Variants in XRCC5 observed in about 807,000 individuals in gnomAD.
XRCC5 encodes DNA repair protein Ku80.
A neutral mutation model predicts 95.7 loss-of-function variants in XRCC5; 12 were observed. That is an observed-to-expected ratio of 0.13 (90% CI 0.08 to 0.20). XRCC5 has a LOEUF of 0.20. XRCC5 is among the 10% of genes least tolerant of loss of function. XRCC5 has a pLI of 1.00. For missense variants in XRCC5, 595 were observed against 873.9 expected, an observed-to-expected ratio of 0.68 and a Z score of 4.02; for synonymous variants, 281 against 290.3, an observed-to-expected ratio of 0.97 and a Z score of 0.33.
At chr2:216,110,776 A>G (rs1485423860) in intron 1 of XRCC5, among the ~76,000 whole-genome samples, 1 of 152,356 alleles carries the variant, frequency 6.6e-6, no homozygotes. Flanking sequence ...GTATCAAATA[A>G]GTGCAGCAGC....
At chr2:216,198,165 C>T (rs924688386) in intron 19 of XRCC5, among the ~76,000 whole-genome samples, 8 of 152,194 alleles carry the variant, frequency 5.3e-5, no homozygotes, top group African/African-American at 1.7e-4. Flanking sequence ...TTAAAATGCA[C>T]GTTCCTTTGC....
chr2:216,124,566 A>C (rs1696874175), intron 6 of XRCC5, among the ~76,000 whole-genome samples: 1 of 152,200 alleles, frequency 6.6e-6, no homozygotes, highest in African/African-American at 2.4e-5. Context: ...TTCATTCCTC[A>C]GCAAATCCAA....
At chr2:216,156,605 G>A (rs1688847226) in intron 14 of XRCC5, 1 of 572,676 alleles carries the variant, frequency 1.7e-6, no homozygotes. Context: ...TAGAAGACCT[G>A]GACTTAACTT....
chr2:216,179,580 T>TGA (rs1294074063), intron 16 of XRCC5, among the ~76,000 whole-genome samples: 3 of 152,002 alleles, frequency 2.0e-5, no homozygotes, highest in Admixed American at 6.6e-5. Context: ...TTGAGGATAG[T>TGA]GAGAGAGAGA....
intron 14 of XRCC5, 73 bp downstream of exon 14, chr2:216,148,349 A>G (rs1688678074): frequency 1.5e-6 from 2 of 1,379,020 alleles, no homozygotes; most frequent in African/African-American, 1.5e-5. Flanking sequence ...TGGCTCTGGA[A>G]GTGTCACATA....
intron 9 of XRCC5, among the ~76,000 whole-genome samples, chr2:216,132,095 A>G (rs1697004906): frequency 1.3e-5 from 2 of 152,194 alleles, no homozygotes; most frequent in East Asian, 3.8e-4. Context: ...CAAGGGCAAG[A>G]TTATGTTTTG....
At chr2:216,181,506 A>G (rs777697564) in intron 16 of XRCC5, among the ~76,000 whole-genome samples, 8 of 152,194 alleles carry the variant, frequency 5.3e-5, no homozygotes, top group Non-Finnish European at 1.2e-4. Context: ...CCCTTGCAGC[A>G]TCGGCTTTCT....
chr2:216,121,105 GTTA>G (rs1045214209), intron 5 of XRCC5, among the ~76,000 whole-genome samples: 1 of 152,190 alleles, frequency 6.6e-6, no homozygotes, highest in African/African-American at 2.4e-5. Flanking sequence ...AGACAGAACA[GTTA>G]TTATTTCTTT....
At chr2:216,127,696 C>G (rs762680519) in intron 8 of XRCC5, 22 bp downstream of exon 8, 1 of 1,573,604 alleles carries the variant, frequency 6.4e-7, no homozygotes. Flanking sequence ...AGAGTTTTCA[C>G]TGTTGCCTAA....
At chr2:216,111,742 G>A (rs527280868) in intron 1 of XRCC5, among the ~76,000 whole-genome samples, 1 of 152,284 alleles carries the variant, frequency 6.6e-6, no homozygotes, top group South Asian at 2.1e-4. Flanking sequence ...AAAGCACTGC[G>A]AGACTATCAG....
intron 6 of XRCC5, among the ~76,000 whole-genome samples, chr2:216,122,757 A>G (rs72952673): frequency 6.6e-6 from 1 of 152,138 alleles, no homozygotes; most frequent in Non-Finnish European, 1.5e-5. Context: ...TTGAGTGAAA[A>G]AAAAAAAAAC....
intron 3 of XRCC5, 60 bp from the exon 4 acceptor site, chr2:216,117,686 A>G: frequency 1.3e-6 from 2 of 1,555,416 alleles, no homozygotes; most frequent in East Asian, 2.3e-5. Context: ...TTCATTGGAA[A>G]GAGTTGCGTG....
chr2:216,139,592 G>A (rs1468457450), intron 12 of XRCC5, among the ~76,000 whole-genome samples: 3 of 152,168 alleles, frequency 2.0e-5, no homozygotes, highest in Admixed American at 2.0e-4. Context: ...TGGGGACACA[G>A]CCAATTCTGG....
chr2:216,131,799 G>T (rs1390845513), intron 9 of XRCC5, among the ~76,000 whole-genome samples: 1 of 152,118 alleles, frequency 6.6e-6, no homozygotes, highest in Non-Finnish European at 1.5e-5. Flanking sequence ...TCACACAGTG[G>T]CACTGTACTA....
chr2:216,117,653 C>A, intron 3 of XRCC5, 93 bp from the exon 4 acceptor site: 1 of 1,326,832 alleles, frequency 7.5e-7, no homozygotes, highest in Non-Finnish European at 1.1e-6. Context: ...AGTTCAGTGT[C>A]CACAATTTCC....
intron 16 of XRCC5, among the ~76,000 whole-genome samples, chr2:216,179,114 C>G (rs148390418): frequency 0.012 from 1,831 of 152,280 alleles, 49 homozygotes; most frequent in African/African-American, 0.042. Context: ...AGACTAAAGT[C>G]CAAAATCACA....
At chr2:216,124,263 T>C (rs80124710) in intron 6 of XRCC5, among the ~76,000 whole-genome samples, 3 of 152,186 alleles carry the variant, frequency 2.0e-5, no homozygotes, top group Non-Finnish European at 4.4e-5. Context: ...TAGATTTTTT[T>C]TGAGACAGGG....
At chr2:216,135,501 T>G (rs959406473) in intron 10 of XRCC5, among the ~76,000 whole-genome samples, 2 of 151,518 alleles carry the variant, frequency 1.3e-5, no homozygotes, top group African/African-American at 4.9e-5. Context: ...AGTATAGAGG[T>G]AGAATTGGTA....
intron 2 of XRCC5, among the ~76,000 whole-genome samples, chr2:216,114,689 G>T (rs543978884): frequency 1.3e-5 from 2 of 152,182 alleles, no homozygotes; most frequent in South Asian, 4.1e-4. Context: ...GCCATGATTG[G>T]TGTCAGGAAT....
Sources: gnomAD v4.1 joint callset for allele counts (sites outside exome capture counted in the v4.1 genomes callset) on GRCh38, gnomAD v4.1.1 for gene constraint, MANE v1.5 for transcripts, NCBI Gene and HGNC (gene_info 2026-07-23, HGNC 2026-07-21) for gene names.